KLHL32: variants seen among roughly 807,000 people sequenced by gnomAD.
KLHL32 encodes kelch-like protein 32.
KLHL32 carries 35 observed loss-of-function variants against 64.8 expected under a neutral mutation model. The ratio of observed to expected loss-of-function variants is 0.54; its 90% CI spans 0.41 to 0.72. The LOEUF (loss-of-function observed/expected upper bound fraction) is 0.72, where lower values mean the gene tolerates loss of function less well. Among genes scored for constraint, KLHL32 ranks in the 30% least tolerant of loss-of-function variants. The probability of loss-of-function intolerance (pLI) is 0.00; values close to 1 mark genes in which losing one functional copy is unlikely to be tolerated. For missense variants in KLHL32, 589 were observed against 768.5 expected (o/e 0.77, Z 2.76); for synonymous variants, 259 against 281.0 (o/e 0.92, Z 0.78).
intron 4 of KLHL32, among the ~76,000 whole-genome samples, chr6:97,044,515 CT>C (rs1447335228): frequency 2.0e-5 from 3 of 151,990 alleles, no homozygotes; most frequent in African/African-American, 7.2e-5. Flanking sequence ...TAATGCTAGT[CT>C]CATAAAATGA....
At chr6:96,922,780 G>C (rs191067079), upstream of KLHL32, among the ~76,000 whole-genome samples, 3 of 152,290 alleles carry the variant, frequency 2.0e-5, no homozygotes, top group Admixed American at 6.5e-5. Context: ...TCTAGGAGTG[G>C]AGTAAACTGC....
intron 3 of KLHL32, among the ~76,000 whole-genome samples, chr6:96,988,845 G>T (rs142125373): frequency 6.6e-6 from 1 of 151,982 alleles, no homozygotes; most frequent in Non-Finnish European, 1.5e-5. Context: ...TCAGCAAACT[G>T]TTGCAAGGAC....
At chr6:97,136,084 T>C (rs1004253712) in intron 10 of KLHL32, among the ~76,000 whole-genome samples, 2 of 152,216 alleles carry the variant, frequency 1.3e-5, no homozygotes, top group Non-Finnish European at 2.9e-5. Flanking sequence ...CAAATCTGTA[T>C]ATTTGATCCA....
At chr6:97,108,291 G>T (rs1015059734) in intron 6 of KLHL32, among the ~76,000 whole-genome samples, 4 of 152,120 alleles carry the variant, frequency 2.6e-5, no homozygotes, top group Non-Finnish European at 2.9e-5. Context: ...ATAGGATTCA[G>T]CTTACCCTGA....
intron 6 of KLHL32, among the ~76,000 whole-genome samples, chr6:97,093,697 G>T (rs1179425608): frequency 6.6e-6 from 1 of 150,870 alleles, no homozygotes; most frequent in African/African-American, 2.5e-5. Context: ...TTCTTGATCA[G>T]AGCCCAGAAA....
At chr6:97,022,122 C>T (rs1186898551) in intron 3 of KLHL32, among the ~76,000 whole-genome samples, 1 of 150,916 alleles carries the variant, frequency 6.6e-6, no homozygotes, top group Non-Finnish European at 1.5e-5. Context: ...AATACTGCAG[C>T]CCCAGTGAAC....
intron 5 of KLHL32, among the ~76,000 whole-genome samples, chr6:97,068,913 T>C (rs1414418113): frequency 6.6e-6 from 1 of 152,220 alleles, no homozygotes; most frequent in Non-Finnish European, 1.5e-5. Context: ...GGCATTAGTT[T>C]AGCACTTTTA....
chr6:97,135,488 A>G (rs982589849), intron 10 of KLHL32, among the ~76,000 whole-genome samples: 4 of 151,642 alleles, frequency 2.6e-5, no homozygotes, highest in African/African-American at 9.7e-5. Context: ...TGTATTTTTT[A>G]GTAGACACGG....
chr6:96,989,021 G>A (rs545071922), intron 3 of KLHL32, among the ~76,000 whole-genome samples: 30 of 152,260 alleles, frequency 2.0e-4, no homozygotes, highest in Non-Finnish European at 4.0e-4. Context: ...AAGTTAATGG[G>A]TGCAGCACAC....
intron 4 of KLHL32, among the ~76,000 whole-genome samples, chr6:97,046,983 G>A (rs1034874073): frequency 2.6e-5 from 4 of 152,134 alleles, no homozygotes; most frequent in Admixed American, 6.6e-5. Context: ...TGAAATGTAC[G>A]TATTTTAAGT....
intron 4 of KLHL32, among the ~76,000 whole-genome samples, chr6:97,061,063 T>C (rs1253998623): frequency 6.6e-6 from 1 of 152,164 alleles, no homozygotes; most frequent in East Asian, 1.9e-4. Flanking sequence ...ACCTCTCTGC[T>C]AGCACTGTCC....
chr6:96,982,233 C>G (rs1039850861), intron 3 of KLHL32, among the ~76,000 whole-genome samples: 5 of 152,080 alleles, frequency 3.3e-5, no homozygotes, highest in African/African-American at 1.2e-4. Context: ...TCTGAGTGCT[C>G]CTGTGTTGCG....
chr6:97,125,101 A>G (rs898485569), intron 7 of KLHL32, among the ~76,000 whole-genome samples: 3 of 152,224 alleles, frequency 2.0e-5, no homozygotes, highest in African/African-American at 4.8e-5. Flanking sequence ...TTCTCTGCAG[A>G]CAAAGCTTTT....
intron 1 of KLHL32, among the ~76,000 whole-genome samples, chr6:96,949,677 C>CT (rs1772334891): frequency 1.3e-5 from 2 of 152,050 alleles, no homozygotes; most frequent in South Asian, 4.1e-4. Flanking sequence ...TCAGAGTTCC[C>CT]TGGTGAGATT....
At chr6:96,977,606 T>A (rs1775850822) in intron 3 of KLHL32, among the ~76,000 whole-genome samples, 1 of 152,198 alleles carries the variant, frequency 6.6e-6, no homozygotes, top group South Asian at 2.1e-4. Flanking sequence ...AAAGCCTAAA[T>A]GTTACAGACA....
chr6:97,072,224 T>C (rs983772834), intron 5 of KLHL32, among the ~76,000 whole-genome samples: 1 of 152,130 alleles, frequency 6.6e-6, no homozygotes, highest in Non-Finnish European at 1.5e-5. Context: ...ATCTCTCTCA[T>C]TGTCTCTCTT....
chr6:96,989,148 T>G (rs1463924470), intron 3 of KLHL32, among the ~76,000 whole-genome samples: 4 of 152,228 alleles, frequency 2.6e-5, no homozygotes, highest in Non-Finnish European at 5.9e-5. Context: ...CATTGTGTTG[T>G]TAGCTGGTTA....
intron 6 of KLHL32, among the ~76,000 whole-genome samples, chr6:97,109,909 T>C (rs894343880): frequency 6.6e-6 from 1 of 152,330 alleles, no homozygotes; most frequent in African/African-American, 2.4e-5. Flanking sequence ...ATAGCAAATA[T>C]TACGTTTCAG....
chr6:97,087,584 A>C (rs1793613587), intron 6 of KLHL32, among the ~76,000 whole-genome samples: 1 of 152,182 alleles, frequency 6.6e-6, no homozygotes, highest in Non-Finnish European at 1.5e-5. Context: ...GTTGGGGAGG[A>C]GAAAGGAAAT....
Sources: allele counts gnomAD v4.1 joint callset (sites outside exome capture counted in the v4.1 genomes callset), GRCh38; gene constraint gnomAD v4.1.1; transcripts MANE v1.5; gene names NCBI Gene and HGNC (gene_info 2026-07-23, HGNC 2026-07-21).